MGAT4C: variants seen among roughly 807,000 people sequenced by gnomAD.
The protein encoded by MGAT4C is MGAT4 family member C.
In MGAT4C, 19 loss-of-function variants were observed where a neutral mutation model predicts 40.1. The ratio of observed to expected loss-of-function variants is 0.47; its 90% CI spans 0.33 to 0.70. The LOEUF (loss-of-function observed/expected upper bound fraction) is 0.70. Among genes scored for constraint, MGAT4C ranks in the 30% least tolerant of loss-of-function variants. The probability of loss-of-function intolerance (pLI) is 0.02; values close to 1 mark genes in which losing one functional copy is unlikely to be tolerated. For synonymous variants in MGAT4C, 181 were observed against 187.1 expected (o/e 0.97, Z 0.27); for missense variants, 491 against 563.2 (o/e 0.87, Z 1.30).
At chr12:86,405,058 T>A (rs1038415217) in intron 3 of MGAT4C, among the ~76,000 whole-genome samples, 6 of 152,118 alleles carry the variant, frequency 3.9e-5, no homozygotes, top group Middle Eastern at 3.4e-3. Flanking sequence ...AAAAAAAGTT[T>A]TCAGAAACTA....
intron 2 of MGAT4C, among the ~76,000 whole-genome samples, chr12:86,671,706 G>A (rs59556648): frequency 0.12 from 17,844 of 152,094 alleles, 1,702 homozygotes; most frequent in African/African-American, 0.27. Flanking sequence ...AGAGAGAAAG[G>A]AGGTCATTAT....
At chr12:86,114,370 A>G (rs1321499680) in intron 1 of MGAT4C, among the ~76,000 whole-genome samples, 2 of 151,934 alleles carry the variant, frequency 1.3e-5, no homozygotes, top group East Asian at 1.9e-4. Context: ...TCTCCAGAGC[A>G]TGGCAAACAA....
At chr12:86,612,265 T>C (rs1962307570) in intron 2 of MGAT4C, among the ~76,000 whole-genome samples, 1 of 152,076 alleles carries the variant, frequency 6.6e-6, no homozygotes, top group African/African-American at 2.4e-5. Context: ...CATATACTTA[T>C]TTTCTCAACC....
chr12:86,799,848 T>A (rs1952195051), intron 1 of MGAT4C, among the ~76,000 whole-genome samples: 1 of 151,922 alleles, frequency 6.6e-6, no homozygotes, highest in South Asian at 2.1e-4. Context: ...GATAGTGACA[T>A]GAGGTAGACA....
intron 2 of MGAT4C, among the ~76,000 whole-genome samples, chr12:86,035,598 A>G (rs1891154020): frequency 1.3e-5 from 2 of 149,782 alleles, no homozygotes; most frequent in East Asian, 3.9e-4. Context: ...CTATTTGTCA[A>G]TTTTGGCTTT....
At chr12:86,386,879 T>C (rs1199297792) in intron 3 of MGAT4C, among the ~76,000 whole-genome samples, 1 of 152,192 alleles carries the variant, frequency 6.6e-6, no homozygotes, top group Non-Finnish European at 1.5e-5. Context: ...AATATATTCA[T>C]GCAAAGTTCA....
At chr12:86,339,027 A>T (rs897529894) in intron 3 of MGAT4C, among the ~76,000 whole-genome samples, 1 of 150,380 alleles carries the variant, frequency 6.6e-6, no homozygotes, top group African/African-American at 2.4e-5. Flanking sequence ...GAGCACATTT[A>T]TCTGTCAGAT....
chr12:86,004,866 T>G (rs1887713812), intron 2 of MGAT4C, among the ~76,000 whole-genome samples: 1 of 152,208 alleles, frequency 6.6e-6, no homozygotes, highest in South Asian at 2.1e-4. Flanking sequence ...TTATGTAAAC[T>G]GCTTATGCTC....
chr12:86,321,201 T>G (rs938005852), intron 4 of MGAT4C, among the ~76,000 whole-genome samples: 1 of 152,150 alleles, frequency 6.6e-6, no homozygotes, highest in African/African-American at 2.4e-5. Context: ...TGAAAAATTA[T>G]TTTAAAAATT....
At chr12:86,042,026 T>G (rs1891902907) in intron 2 of MGAT4C, among the ~76,000 whole-genome samples, 1 of 152,206 alleles carries the variant, frequency 6.6e-6, no homozygotes, top group African/African-American at 2.4e-5. Flanking sequence ...TCAGGATAAT[T>G]AGGTCTTCTG....
intron 2 of MGAT4C, among the ~76,000 whole-genome samples, chr12:86,653,200 ATTAAGTAATACAGAAGT>A (rs1337840950): frequency 6.6e-6 from 1 of 151,902 alleles, no homozygotes; most frequent in Non-Finnish European, 1.5e-5. Context: ...GTGTAGTCAG[ATTAAGTAATACAGAAGT>A]TTATTTCTCT....
rs111324193 is a variant in MGAT4C, at chr12:86,061,542, A to G, written c.-56-11819T>C. ...AGAAAGAATTGTTCACTCCCTTGGA[A>G]AGGGGGCTGAAGTCAGGGAGCCAAG... On this transcript the variant is annotated intron_variant, in intron 1 of 4. Transcript: ENST00000611864. Among the ~76,000 whole-genome samples the G allele has an allele frequency of 3.0e-3, 458 of 152,038 alleles. 1 individual carries two copies. Among genetic ancestry groups the G allele is most frequent in the African/African-American group, 0.01 (430 of 41,492 alleles).
intron 3 of MGAT4C, among the ~76,000 whole-genome samples, chr12:86,371,240 G>T (rs1203336586): frequency 6.6e-6 from 1 of 151,900 alleles, no homozygotes. Flanking sequence ...TGTGCATTGT[G>T]AAGGGAGAAA....
chr12:86,231,321 T>A (rs541904961), intron 1 of MGAT4C, among the ~76,000 whole-genome samples: 2 of 152,334 alleles, frequency 1.3e-5, no homozygotes, highest in African/African-American at 4.8e-5. Context: ...TTATTTTGAT[T>A]CTTTTTATGA....
intron 1 of MGAT4C, among the ~76,000 whole-genome samples, chr12:86,112,518 A>T (rs970306075): frequency 6.6e-6 from 1 of 151,894 alleles, no homozygotes; most frequent in Admixed American, 6.6e-5. Flanking sequence ...ATATTAAAGC[A>T]TCTATTATAT....
At chr12:86,353,012 T>TATA (rs1296413403) in intron 3 of MGAT4C, among the ~76,000 whole-genome samples, 4 of 146,998 alleles carry the variant, frequency 2.7e-5, no homozygotes, top group South Asian at 2.1e-4. Context: ...AAACTTAAAG[T>TATA]ATAATAATAA....
chr12:86,583,751 T>C (rs1960889718), intron 2 of MGAT4C, among the ~76,000 whole-genome samples: 1 of 151,216 alleles, frequency 6.6e-6, no homozygotes, highest in Non-Finnish European at 1.5e-5. Flanking sequence ...ATGTCAAAAA[T>C]GAAAATTAAA....
intron 3 of MGAT4C, among the ~76,000 whole-genome samples, chr12:86,354,853 C>T (rs569275914): frequency 1.3e-5 from 2 of 152,274 alleles, no homozygotes; most frequent in East Asian, 3.9e-4. Flanking sequence ...AGTGTTACAG[C>T]TCTTAAAGAT....
At chr12:86,282,232 C>T (rs1446596221) in intron 4 of MGAT4C, among the ~76,000 whole-genome samples, 4 of 152,152 alleles carry the variant, frequency 2.6e-5, no homozygotes, top group Admixed American at 6.6e-5. Context: ...ATATTTTCCA[C>T]AGGTCCCTGT....
Sources: gnomAD v4.1 joint callset for allele counts (sites outside exome capture counted in the v4.1 genomes callset) on GRCh38, gnomAD v4.1.1 for gene constraint, MANE v1.5 for transcripts, NCBI Gene and HGNC (gene_info 2026-07-23, HGNC 2026-07-21) for gene names.